TMEFF2: variants seen among roughly 807,000 people sequenced by gnomAD.
TMEFF2 encodes the protein transmembrane protein with EGF like and two follistatin like domains 2.
Under a neutral mutation model 53.8 loss-of-function variants are expected in TMEFF2, and 28 were observed. The observed-to-expected ratio is 0.52, with a 90% CI of 0.39 to 0.71. The LOEUF (loss-of-function observed/expected upper bound fraction) is 0.71. Among genes scored for constraint, TMEFF2 ranks in the 30% least tolerant of loss-of-function variants. TMEFF2 has a pLI of 0.00. For synonymous variants in TMEFF2, 162 were observed against 166.3 expected (o/e 0.97, Z 0.20); for missense variants, 353 against 455.2 (o/e 0.78, Z 2.04).
intron 4 of TMEFF2, among the ~76,000 whole-genome samples, chr2:192,074,783 T>C (rs1688368353): frequency 6.6e-6 from 1 of 151,928 alleles, no homozygotes; most frequent in South Asian, 2.1e-4. Flanking sequence ...GAATACATTA[T>C]ATAATAGCAT....
chr2:192,193,970 C>T (rs1289815547), intron 1 of TMEFF2, among the ~76,000 whole-genome samples: 2 of 152,134 alleles, frequency 1.3e-5, no homozygotes, highest in African/African-American at 4.8e-5. Flanking sequence ...GTTATTTCTT[C>T]CTCATCCTAG....
intron 2 of TMEFF2, among the ~76,000 whole-genome samples, chr2:192,186,486 T>C (rs1243095839): frequency 6.6e-6 from 1 of 152,112 alleles, no homozygotes; most frequent in Non-Finnish European, 1.5e-5. Flanking sequence ...GACAGGAGAA[T>C]GTAGGTAGGA....
At chr2:192,025,599 A>C (rs575494785) in intron 5 of TMEFF2, among the ~76,000 whole-genome samples, 1 of 152,204 alleles carries the variant, frequency 6.6e-6, no homozygotes, top group South Asian at 2.1e-4. Flanking sequence ...CAGTACTTGC[A>C]TTTTCTATGG....
chr2:192,049,445 G>A (rs551869320), intron 5 of TMEFF2, among the ~76,000 whole-genome samples: 21 of 152,238 alleles, frequency 1.4e-4, no homozygotes, highest in East Asian at 5.8e-4. Context: ...CTTTGGAAAG[G>A]TTTGTCACAC....
intron 4 of TMEFF2, among the ~76,000 whole-genome samples, chr2:192,132,490 C>G (rs528556600): frequency 4.6e-5 from 7 of 151,958 alleles, no homozygotes; most frequent in Non-Finnish European, 7.4e-5. Flanking sequence ...AATAAAACTC[C>G]AAAAAATAGA....
intron 5 of TMEFF2, among the ~76,000 whole-genome samples, chr2:192,023,818 T>G (rs959652981): frequency 6.6e-6 from 1 of 152,154 alleles, no homozygotes; most frequent in Admixed American, 6.5e-5. Flanking sequence ...GATATGTCTA[T>G]TATCCTTAGA....
At chr2:192,184,242 G>A in intron 3 of TMEFF2, 112 bp downstream of exon 3, 7 of 1,299,176 alleles carry the variant, frequency 5.4e-6, no homozygotes, top group Non-Finnish European at 7.4e-6. Context: ...AATACGGCTT[G>A]TCTAGTCAAC....
At chr2:192,074,049 A>T (rs1688352938) in intron 4 of TMEFF2, among the ~76,000 whole-genome samples, 1 of 151,988 alleles carries the variant, frequency 6.6e-6, no homozygotes, top group Non-Finnish European at 1.5e-5. Flanking sequence ...GGGAGGGTCA[A>T]CTGAGATCAC....
intron 7 of TMEFF2, among the ~76,000 whole-genome samples, chr2:191,969,654 A>G (rs1692577879): frequency 6.6e-6 from 1 of 152,160 alleles, no homozygotes; most frequent in Admixed American, 6.5e-5. Flanking sequence ...TGGCCCAGAA[A>G]TGGCAATGAG....
At chr2:192,002,275 G>A (rs1370689691) in intron 5 of TMEFF2, among the ~76,000 whole-genome samples, 3 of 152,106 alleles carry the variant, frequency 2.0e-5, no homozygotes, top group Admixed American at 2.0e-4. Flanking sequence ...ATTCCTTGAG[G>A]TGAAAGTTTC....
intron 4 of TMEFF2, among the ~76,000 whole-genome samples, chr2:192,138,281 G>A (rs1690058298): frequency 6.6e-6 from 1 of 152,210 alleles, no homozygotes; most frequent in Non-Finnish European, 1.5e-5. Context: ...TGGTATATGT[G>A]CATCTGCTTA....
intron 4 of TMEFF2, among the ~76,000 whole-genome samples, chr2:192,096,203 A>G (rs775208686): frequency 7.2e-5 from 11 of 152,168 alleles, no homozygotes; most frequent in Non-Finnish European, 1.5e-4. Context: ...AATGAAATCA[A>G]TGGAATATTC....
chr2:192,192,398 A>G (rs1249859080), intron 1 of TMEFF2, among the ~76,000 whole-genome samples: 1 of 151,938 alleles, frequency 6.6e-6, no homozygotes, highest in Non-Finnish European at 1.5e-5. Context: ...CCCTTTTACC[A>G]TTTCCCCATC....
At chr2:192,142,484 C>T (rs558704396) in intron 4 of TMEFF2, among the ~76,000 whole-genome samples, 7 of 151,846 alleles carry the variant, frequency 4.6e-5, no homozygotes, top group South Asian at 2.1e-4. Context: ...GATTGGCAAA[C>T]GATGGGAGTA....
At chr2:192,028,584 A>C (rs1687034780) in intron 5 of TMEFF2, 1 of 151,988 alleles carries the variant, frequency 6.6e-6, no homozygotes, top group Non-Finnish European at 1.5e-5. Flanking sequence ...CTGGTGGAAA[A>C]AGACAGGGCA....
At chr2:191,993,253 T>C (rs969917620) in intron 7 of TMEFF2, among the ~76,000 whole-genome samples, 5 of 152,104 alleles carry the variant, frequency 3.3e-5, no homozygotes, top group Non-Finnish European at 7.4e-5. Context: ...ATGTTACTAA[T>C]AGGATGGACA....
In TMEFF2 at chr2:191,964,241, CT is replaced by C. The variant is rs1204239445; in HGVS notation, c.746-7864del. 7.1e-4 allele frequency among the ~76,000 whole-genome samples: 77 copies of C among 108,868 alleles called. 1 individual carries two copies. The highest frequency in any genetic ancestry group is 2.5e-3 in the African/African-American group (70 of 28,432). 71.4% of individuals were successfully genotyped at this position (108,868 alleles called of 152,430 possible). On this transcript the variant is annotated intron_variant, in intron 7 of 9. Coordinates refer to ENST00000272771, the MANE Select transcript of TMEFF2 (RefSeq NM_016192.4). Reference sequence around the variant, plus strand: ...CTGTCTGTCTTTCTTTCCTTCCTTCCTTCCTTCCTTCCTTCCTCCTTTCTTT... The same window carrying C: ...CTGTCTGTCTTTCTTTCCTTCCTTCCTCCTTCCTTCCTTCCTCCTTTCTTT...
chr2:192,116,330 T>C (rs1457416087), intron 4 of TMEFF2, among the ~76,000 whole-genome samples: 2 of 151,902 alleles, frequency 1.3e-5, no homozygotes, highest in East Asian at 3.9e-4. Context: ...GGAGAGATAC[T>C]GAGGAAATGG....
At chr2:192,002,313 G>A (rs527914161) in intron 5 of TMEFF2, among the ~76,000 whole-genome samples, 1 of 152,144 alleles carries the variant, frequency 6.6e-6, no homozygotes, top group African/African-American at 2.4e-5. Flanking sequence ...AGGAATGCAT[G>A]GATTATATTG....
Sources: allele counts gnomAD v4.1 joint callset (sites outside exome capture counted in the v4.1 genomes callset), GRCh38; gene constraint gnomAD v4.1.1; transcripts MANE v1.5; gene names NCBI Gene and HGNC (gene_info 2026-07-23, HGNC 2026-07-21).